Variants in CREB5 observed in about 807,000 individuals in gnomAD.
CREB5 encodes cyclic AMP-responsive element-binding protein 5.
In CREB5, 19 loss-of-function variants were observed where a neutral mutation model predicts 57.1. That is an observed-to-expected ratio of 0.33 (90% CI 0.23 to 0.49). The LOEUF is 0.49. CREB5 is among the 20% of genes least tolerant of loss of function. The pLI is 0.99. For synonymous variants in CREB5, 238 were observed against 238.3 expected (o/e 1.00, Z 0.01); for missense variants, 579 against 671.6 (o/e 0.86, Z 1.52).
chr7:28,777,322 A>G (rs897860416), intron 7 of CREB5, among the ~76,000 whole-genome samples: 1 of 152,172 alleles, frequency 6.6e-6, no homozygotes, highest in Non-Finnish European at 1.5e-5. Context: ...TTGCCTTTTC[A>G]TTTTGTGAAT....
At position 28,568,529 on chromosome 7, in the gene CREB5, AC is replaced by A. The variant is rs750959675; in HGVS notation, c.292-1835del. On this transcript the variant is annotated intron_variant, in intron 4 of 10. Coordinates refer to ENST00000357727, the MANE Select transcript of CREB5 (RefSeq NM_182898.4). ...CTAAATCTCTAGATCCTATAAAAAA[AC>A]GAAAGTGTGTTCCTGCACTGCCACC... 5.3e-5 allele frequency among the ~76,000 whole-genome samples: 8 copies of A among 152,236 alleles called. No individual in the cohort carries two copies. In the East Asian group the frequency reaches 5.8e-4, roughly 11 times the overall value.
At chr7:28,560,937 CGTGCGTGTGTGTGCGTGTGTGTGCGTGT>C (rs1795198804) in intron 4 of CREB5, among the ~76,000 whole-genome samples, 30 of 35,514 alleles carry the variant, frequency 8.4e-4, no homozygotes, top group East Asian at 5.4e-3. Context: ...TGCGTGTGTG[CGTGCGTGTGTGTGCGTGTGTGTGCGTGT>C]GTGTGTGCGT....
At chr7:28,387,618 G>A (rs373647202) in intron 1 of CREB5, among the ~76,000 whole-genome samples, 1 of 151,982 alleles carries the variant, frequency 6.6e-6, no homozygotes, top group Non-Finnish European at 1.5e-5. Context: ...AGCAACACAC[G>A]CTGGGGCCTG....
intron 5 of CREB5, among the ~76,000 whole-genome samples, chr7:28,613,220 T>C (rs959971474): frequency 5.9e-5 from 9 of 152,178 alleles, no homozygotes; most frequent in African/African-American, 2.2e-4. Flanking sequence ...TAAAAATATA[T>C]TTTTCCCCTT....
intron 7 of CREB5, among the ~76,000 whole-genome samples, chr7:28,751,057 G>A (rs1458207910): frequency 1.3e-5 from 2 of 152,004 alleles, no homozygotes; most frequent in South Asian, 2.1e-4. Flanking sequence ...AAAGGTTTCC[G>A]TTTAGATTCT....
chr7:28,522,473 A>G (rs1793250613), intron 4 of CREB5, among the ~76,000 whole-genome samples: 1 of 139,480 alleles, frequency 7.2e-6, no homozygotes, highest in South Asian at 2.3e-4. Flanking sequence ...TCTGCTGACC[A>G]CAACCTCCGC....
At chr7:28,374,813 A>G (rs954769962) in intron 1 of CREB5, among the ~76,000 whole-genome samples, 2 of 152,174 alleles carry the variant, frequency 1.3e-5, no homozygotes, top group African/African-American at 4.8e-5. Context: ...CTTTGGGAAT[A>G]TCCATCCCAG....
chr7:28,505,947 C>T (rs767610856), intron 3 of CREB5, among the ~76,000 whole-genome samples: 1 of 152,124 alleles, frequency 6.6e-6, no homozygotes, highest in Non-Finnish European at 1.5e-5. Context: ...CAATATTCAA[C>T]AAAACCCACT....
rs1255228827 is a variant in CREB5, at chr7:28,825,046, T to A, written c.*5767T>A. 6.6e-6 allele frequency: 1 copy of A among 152,644 alleles called. No individual in the cohort carries two copies. The highest frequency in any genetic ancestry group is 6.5e-5 in the Admixed American group (1 of 15,280). The allele number at this position is 152,644 out of a possible 1,614,324, so 9.5% of individuals were successfully genotyped here. A position where few individuals can be genotyped will look rare whatever the true frequency, so the allele number is the denominator to read the frequency against. ...ATTGGATATTTTACAATAGAATAAT[T>A]TAGCCTCAGGACTGAGAATGTGGAA... is the stretch of plus-strand genomic sequence containing the variant. On this transcript the variant is annotated 3_prime_UTR_variant, in exon 11 of 11. Coordinates refer to ENST00000357727, the MANE Select transcript of CREB5 (RefSeq NM_182898.4).
At chr7:28,597,623 G>C (rs892341091) in intron 5 of CREB5, among the ~76,000 whole-genome samples, 6 of 152,162 alleles carry the variant, frequency 3.9e-5, no homozygotes, top group African/African-American at 1.2e-4. Context: ...TGTTGGACCA[G>C]ATTGAGGTGG....
intron 4 of CREB5, among the ~76,000 whole-genome samples, chr7:28,563,613 C>T (rs1283223519): frequency 6.6e-6 from 1 of 152,196 alleles, no homozygotes; most frequent in African/African-American, 2.4e-5. Context: ...GCAGCCCCAA[C>T]CTCCTGGGCT....
In CREB5 at chr7:28,798,505, A is replaced by C. The variant is rs575457789; in HGVS notation, c.703-5694A>C. ...TGATGCAAACTTGAGCTAAACGGGA[A>C]ATTAAAGAGGGACCAGGGCTGGGCC... is the stretch of plus-strand genomic sequence containing the variant. On this transcript the variant is annotated intron_variant, in intron 7 of 10. Transcript: ENST00000357727. 2.6e-5 allele frequency among the ~76,000 whole-genome samples: 4 copies of C among 152,294 alleles called. No homozygotes were observed. In the South Asian group the frequency reaches 6.2e-4, roughly 24 times the overall value.
At chr7:28,514,586 G>T (rs149263770) in intron 4 of CREB5, among the ~76,000 whole-genome samples, 67 of 152,190 alleles carry the variant, frequency 4.4e-4, no homozygotes, top group African/African-American at 1.6e-3. Flanking sequence ...TAGTAGAGAC[G>T]GGATTTCACC....
At chr7:28,468,136 G>A (rs1197028613) in intron 1 of CREB5, among the ~76,000 whole-genome samples, 1 of 152,186 alleles carries the variant, frequency 6.6e-6, no homozygotes, top group African/African-American at 2.4e-5. Context: ...GAATGAGCCT[G>A]TGAACGGCTG....
intron 5 of CREB5, among the ~76,000 whole-genome samples, chr7:28,575,458 A>T (rs574632075): frequency 1.3e-5 from 2 of 152,234 alleles, no homozygotes; most frequent in Non-Finnish European, 1.5e-5. Context: ...GTCAATGCAT[A>T]TGCGTATGAA....
chr7:28,813,646 T>C (rs143111011), intron 9 of CREB5, among the ~76,000 whole-genome samples: 6 of 152,338 alleles, frequency 3.9e-5, no homozygotes, highest in Non-Finnish European at 8.8e-5. Context: ...CCAAAAAGCA[T>C]TGTGGATTTA....
At chr7:28,692,248 G>A (rs1217540695) in intron 5 of CREB5, among the ~76,000 whole-genome samples, 1 of 150,282 alleles carries the variant, frequency 6.7e-6, no homozygotes, top group Non-Finnish European at 1.5e-5. Context: ...CTCCCTTTTT[G>A]TTTGGTTTTT....
intron 5 of CREB5, among the ~76,000 whole-genome samples, chr7:28,703,202 A>G (rs1379000406): frequency 1.3e-5 from 2 of 152,208 alleles, no homozygotes; most frequent in Non-Finnish European, 2.9e-5. Flanking sequence ...CTGTTGGAAG[A>G]AACCAAGAGA....
intron 4 of CREB5, among the ~76,000 whole-genome samples, chr7:28,527,040 A>G (rs1188577249): frequency 1.3e-5 from 2 of 152,158 alleles, no homozygotes; most frequent in African/African-American, 2.4e-5. Context: ...TGACTTTTCC[A>G]TTGTGTATCT....
Sources: gnomAD v4.1 joint callset for allele counts (sites outside exome capture counted in the v4.1 genomes callset) on GRCh38, gnomAD v4.1.1 for gene constraint, MANE v1.5 for transcripts, NCBI Gene and HGNC (gene_info 2026-07-23, HGNC 2026-07-21) for gene names.